The following CDH13 variants were observed in gnomAD, a reference collection of about 807,000 sequenced individuals.
The protein encoded by CDH13 is cadherin 13.
Under a neutral mutation model 63.8 loss-of-function variants are expected in CDH13, and 24 were observed. The ratio of observed to expected loss-of-function variants is 0.38; its 90% CI spans 0.27 to 0.53. The LOEUF (loss-of-function observed/expected upper bound fraction) is 0.53. Ranked by LOEUF, CDH13 falls within the 20% of genes least tolerant of loss-of-function variation. The pLI is 0.85. For missense variants in CDH13, 1,049 were observed against 903.1 expected (o/e 1.16, Z -2.07); for synonymous variants, 503 against 355.3 (o/e 1.42, Z -4.67).
intron 1 of CDH13, among the ~76,000 whole-genome samples, chr16:82,816,242 T>A (rs796375108): frequency 3.3e-5 from 5 of 152,238 alleles, no homozygotes; most frequent in African/African-American, 1.2e-4. Context: ...TCCCACTATC[T>A]TATTATTTGT....
At chr16:83,209,383 G>A (rs1411914157) in intron 4 of CDH13, among the ~76,000 whole-genome samples, 2 of 152,118 alleles carry the variant, frequency 1.3e-5, no homozygotes, top group African/African-American at 2.4e-5. Context: ...ACAGACATCC[G>A]GGTGCATCCT....
At chr16:82,950,836 G>T (rs1905219835) in intron 2 of CDH13, among the ~76,000 whole-genome samples, 2 of 146,146 alleles carry the variant, frequency 1.4e-5, no homozygotes, top group African/African-American at 2.5e-5. Context: ...GGTGGTGGTT[G>T]GCGAGGACAG....
At chr16:82,751,829 A>C (rs564953679) in intron 1 of CDH13, among the ~76,000 whole-genome samples, 1 of 152,224 alleles carries the variant, frequency 6.6e-6, no homozygotes, top group South Asian at 2.1e-4. Flanking sequence ...ATCAGCACAC[A>C]GTGTTGGTGA....
At chr16:83,004,975 C>T (rs1355958467) in intron 2 of CDH13, among the ~76,000 whole-genome samples, 1 of 152,182 alleles carries the variant, frequency 6.6e-6, no homozygotes, top group Non-Finnish European at 1.5e-5. Flanking sequence ...CTGGGAGGAA[C>T]AGGAGAAGAG....
At chr16:82,970,754 G>T (rs1179488339) in intron 2 of CDH13, among the ~76,000 whole-genome samples, 1 of 152,160 alleles carries the variant, frequency 6.6e-6, no homozygotes, top group East Asian at 1.9e-4. Flanking sequence ...TTAAGTTCCA[G>T]TGCTGTATTT....
chr16:82,683,200 C>T (rs1223833748), intron 1 of CDH13, among the ~76,000 whole-genome samples: 1 of 152,210 alleles, frequency 6.6e-6, no homozygotes, highest in Non-Finnish European at 1.5e-5. Flanking sequence ...TTCCCTGTCT[C>T]AGCCCGGGGT....
chr16:83,571,365 T>C (rs1338188579), intron 7 of CDH13, among the ~76,000 whole-genome samples: 17 of 152,180 alleles, frequency 1.1e-4, no homozygotes, highest in Admixed American at 1.1e-3. Context: ...ACGGTCTTCA[T>C]TTCTCTCAGC....
intron 2 of CDH13, among the ~76,000 whole-genome samples, chr16:82,952,103 G>A (rs925741488): frequency 6.6e-5 from 10 of 152,186 alleles, no homozygotes; most frequent in African/African-American, 2.4e-4. Flanking sequence ...TAAATGCATA[G>A]ACATTTTTCC....
intron 2 of CDH13, among the ~76,000 whole-genome samples, chr16:82,904,244 T>G (rs923281693): frequency 6.6e-6 from 1 of 152,184 alleles, no homozygotes; most frequent in Admixed American, 6.6e-5. Context: ...CATGACTTGA[T>G]CTAACCGATA....
At chr16:83,610,938 T>G (rs1908802590) in intron 8 of CDH13, among the ~76,000 whole-genome samples, 1 of 152,208 alleles carries the variant, frequency 6.6e-6, no homozygotes. Context: ...GCTATATATT[T>G]TCCCCAACAT....
At chr16:83,579,717 C>G (rs564331732) in intron 7 of CDH13, among the ~76,000 whole-genome samples, 1 of 152,194 alleles carries the variant, frequency 6.6e-6, no homozygotes, top group Admixed American at 6.5e-5. Flanking sequence ...TGGAGCTGTA[C>G]TGATGTGAAT....
chr16:83,450,273 T>A (rs2072848793), intron 6 of CDH13, among the ~76,000 whole-genome samples: 1 of 152,196 alleles, frequency 6.6e-6, no homozygotes, highest in African/African-American at 2.4e-5. Context: ...GCTCTGCCCC[T>A]CAAAAGCGGA....
At chr16:83,393,991 C>T (rs1196234881) in intron 6 of CDH13, among the ~76,000 whole-genome samples, 2 of 152,106 alleles carry the variant, frequency 1.3e-5, no homozygotes, top group Non-Finnish European at 2.9e-5. Context: ...CAAACTAAGG[C>T]AGGAACAGAA....
At chr16:83,107,870 A>G (rs765126104) in intron 3 of CDH13, among the ~76,000 whole-genome samples, 3 of 150,472 alleles carry the variant, frequency 2.0e-5, no homozygotes, top group Non-Finnish European at 3.0e-5. Flanking sequence ...CCCAGGCTGG[A>G]GTGCATTGGT....
intron 7 of CDH13, among the ~76,000 whole-genome samples, chr16:83,507,230 G>A (rs1032672708): frequency 1.3e-5 from 2 of 152,096 alleles, no homozygotes; most frequent in African/African-American, 4.8e-5. Context: ...CTGTCACAAG[G>A]AAAAGCAATA....
intron 7 of CDH13, among the ~76,000 whole-genome samples, chr16:83,574,919 C>A (rs1305703188): frequency 6.6e-6 from 1 of 152,108 alleles, no homozygotes; most frequent in Non-Finnish European, 1.5e-5. Context: ...AATGAAAACA[C>A]ACATCCACAG....
At chr16:82,933,710 C>T (rs545219991) in intron 2 of CDH13, among the ~76,000 whole-genome samples, 17 of 152,304 alleles carry the variant, frequency 1.1e-4, no homozygotes, top group African/African-American at 3.8e-4. Flanking sequence ...AATGGAGATA[C>T]AGGCATTGGG....
At chr16:83,098,693 C>T (rs1035033047) in intron 3 of CDH13, among the ~76,000 whole-genome samples, 1 of 152,204 alleles carries the variant, frequency 6.6e-6, no homozygotes, top group African/African-American at 2.4e-5. Flanking sequence ...TATCTTCTGA[C>T]TTGCATTGTT....
At chr16:82,645,966 C>G (rs1365160735) in intron 1 of CDH13, among the ~76,000 whole-genome samples, 5 of 152,208 alleles carry the variant, frequency 3.3e-5, no homozygotes, top group African/African-American at 7.2e-5. Flanking sequence ...TGGGGGTTAT[C>G]TGTTCTATTA....
Sources: gnomAD v4.1 joint callset for allele counts (sites outside exome capture counted in the v4.1 genomes callset) on GRCh38, gnomAD v4.1.1 for gene constraint, MANE v1.5 for transcripts, NCBI Gene and HGNC (gene_info 2026-07-23, HGNC 2026-07-21) for gene names.